Variants in NCOA2 observed in about 807,000 individuals in gnomAD.
NCOA2 encodes the protein nuclear receptor coactivator 2.
Under a neutral mutation model 145.1 loss-of-function variants are expected in NCOA2, and 21 were observed. The observed-to-expected ratio is 0.14, with a 90% CI of 0.10 to 0.21. The LOEUF is 0.21. Among genes scored for constraint, NCOA2 ranks in the 10% least tolerant of loss-of-function variants. The pLI is 1.00. For missense variants in NCOA2, 1,472 were observed against 1,837.6 expected (o/e 0.80, Z 3.64); for synonymous variants, 619 against 637.5 (o/e 0.97, Z 0.44).
chr8:70,434,255 A>C, the NCOA2 span, among the ~76,000 whole-genome samples: 1 of 152,240 alleles, frequency 6.6e-6, no homozygotes, highest in Admixed American at 6.5e-5. Context: ...ATACCATAAA[A>C]ACAAGCATAC....
At chr8:70,231,901 T>G (rs528365106) in intron 2 of NCOA2, among the ~76,000 whole-genome samples, 1 of 152,322 alleles carries the variant, frequency 6.6e-6, no homozygotes, top group East Asian at 1.9e-4. Context: ...TACTGAAGCA[T>G]TCTGCCATCA....
chr8:70,448,771 G>A, the NCOA2 span, among the ~76,000 whole-genome samples: 475 of 150,606 alleles, frequency 3.2e-3, 13 homozygotes, highest in Non-Finnish European at 2.4e-4. Context: ...ACAAAATAAG[G>A]CAGAATTATC....
At chr8:70,432,585 C>T in the NCOA2 span, among the ~76,000 whole-genome samples, 1 of 152,122 alleles carries the variant, frequency 6.6e-6, no homozygotes, top group African/African-American at 2.4e-5. Flanking sequence ...ATTGCTTGAA[C>T]CCAGGAGATG....
intron 1 of NCOA2, 50 bp downstream of exon 1, chr8:70,403,650 G>C (rs1263526235): frequency 1.1e-5 from 4 of 359,858 alleles, no homozygotes; most frequent in African/African-American, 8.5e-5. Context: ...CCCCCCGCCT[G>C]CCGCCCGCCC....
chr8:70,286,852 T>A (rs752405936), intron 2 of NCOA2, among the ~76,000 whole-genome samples: 3 of 152,152 alleles, frequency 2.0e-5, no homozygotes, highest in Non-Finnish European at 4.4e-5. Flanking sequence ...GGATGGCCTA[T>A]TTTTCTTAAC....
chr8:70,190,746 C>G (rs1816591942), intron 4 of NCOA2, among the ~76,000 whole-genome samples: 1 of 152,120 alleles, frequency 6.6e-6, no homozygotes, highest in Non-Finnish European at 1.5e-5. Flanking sequence ...ATCCCAGCTA[C>G]TTGGGAGGGT....
intron 4 of NCOA2, among the ~76,000 whole-genome samples, chr8:70,182,883 A>G (rs986193606): frequency 1.3e-5 from 2 of 152,252 alleles, no homozygotes; most frequent in Non-Finnish European, 2.9e-5. Context: ...TAGACACTGA[A>G]AGAACCCATG....
chr8:70,442,558 A>C, the NCOA2 span, among the ~76,000 whole-genome samples: 1 of 152,238 alleles, frequency 6.6e-6, no homozygotes, highest in Non-Finnish European at 1.5e-5. Flanking sequence ...GAAACTTCTT[A>C]AGTTAGAAAA....
At chr8:70,159,244 T>TATATATATATATATCTGTATATATA in intron 10 of NCOA2, among the ~76,000 whole-genome samples, 1 of 69,304 alleles carries the variant, frequency 1.4e-5, no homozygotes, top group Non-Finnish European at 2.9e-5. Flanking sequence ...ATATATATAT[T>TATATATATATATATCTGTATATATA]TTTTTTTTTT....
intron 1 of NCOA2, among the ~76,000 whole-genome samples, chr8:70,402,856 G>C (rs1271313796): frequency 5.5e-5 from 8 of 145,244 alleles, no homozygotes; most frequent in African/African-American, 2.0e-4. Flanking sequence ...GCCCGGCTCG[G>C]CGCCGCCGGG....
At chr8:70,155,324 G>A (rs374035977) in intron 11 of NCOA2, among the ~76,000 whole-genome samples, 151 of 152,254 alleles carry the variant, frequency 9.9e-4, no homozygotes, top group South Asian at 3.7e-3. Flanking sequence ...GAGGTAGAAC[G>A]ACCTTCATTG....
intron 4 of NCOA2, among the ~76,000 whole-genome samples, chr8:70,203,115 T>C (rs914025646): frequency 5.3e-5 from 8 of 151,892 alleles, no homozygotes; most frequent in African/African-American, 1.9e-4. Context: ...ATATAAAAAT[T>C]AGCTGGGCAT....
Position 70,312,821 on chromosome 8 carries a change from C to A in NCOA2, c.-76-16021G>T, listed in dbSNP as rs555739747. Among the ~76,000 whole-genome samples, 4 of 151,850 alleles carry A rather than the reference C, an allele frequency of 2.6e-5. No individual in the cohort carries two copies. In the South Asian group the frequency reaches 6.2e-4, roughly 24 times the overall value. On this transcript the variant is annotated intron_variant, in intron 1 of 22. Transcript: ENST00000452400. ...GGAATAGAGAACTATGGTAAAAAATCTTCTCGTAATCTTAAAGTGTACTCT... is the reference window on the plus strand; with the variant it reads ...GGAATAGAGAACTATGGTAAAAAATATTCTCGTAATCTTAAAGTGTACTCT...
intron 1 of NCOA2, among the ~76,000 whole-genome samples, chr8:70,362,759 TTA>T (rs1446404145): frequency 6.6e-6 from 1 of 152,046 alleles, no homozygotes; most frequent in African/African-American, 2.4e-5. Flanking sequence ...CTTATAAAGT[TTA>T]TGTTTAACAA....
chr8:70,347,127 T>C (rs1488068992), intron 1 of NCOA2, among the ~76,000 whole-genome samples: 2 of 152,158 alleles, frequency 1.3e-5, no homozygotes, highest in Admixed American at 1.3e-4. Flanking sequence ...ACGTTGAATT[T>C]ACACACATGT....
At chr8:70,289,900 C>A (rs1826530536) in intron 2 of NCOA2, among the ~76,000 whole-genome samples, 1 of 151,976 alleles carries the variant, frequency 6.6e-6, no homozygotes. Context: ...CACAGGTAAT[C>A]AGGACACACT....
intron 11 of NCOA2, among the ~76,000 whole-genome samples, chr8:70,149,165 G>C (rs994343532): frequency 6.6e-6 from 1 of 151,550 alleles, no homozygotes; most frequent in Non-Finnish European, 1.5e-5. Flanking sequence ...TAGGGAAGCA[G>C]GATAAAAACT....
intron 4 of NCOA2, among the ~76,000 whole-genome samples, chr8:70,198,997 A>G (rs1391733340): frequency 6.6e-6 from 1 of 152,154 alleles, no homozygotes; most frequent in Non-Finnish European, 1.5e-5. Context: ...ATGAAAGATG[A>G]GGGAAAGGTC....
intron 4 of NCOA2, among the ~76,000 whole-genome samples, chr8:70,203,050 G>A (rs1818059205): frequency 6.6e-6 from 1 of 152,060 alleles, no homozygotes; most frequent in Non-Finnish European, 1.5e-5. Context: ...GGATCACGAG[G>A]TCAAAAGATC....
Sources: allele counts gnomAD v4.1 joint callset (sites outside exome capture counted in the v4.1 genomes callset), GRCh38; gene constraint gnomAD v4.1.1; transcripts MANE v1.5; gene names NCBI Gene and HGNC (gene_info 2026-07-23, HGNC 2026-07-21).